NDUFAF2: variants seen among roughly 807,000 people sequenced by gnomAD.
NDUFAF2 encodes the protein NADH dehydrogenase [ubiquinone] 1 alpha subcomplex assembly factor 2.
Under a neutral mutation model 22.8 loss-of-function variants are expected in NDUFAF2, and 13 were observed. That is an observed-to-expected ratio of 0.57 (90% CI 0.37 to 0.91). NDUFAF2 has a LOEUF of 0.91. Among genes scored for constraint, NDUFAF2 ranks in the 40% least tolerant of loss-of-function variants. The pLI is 0.01. For missense variants in NDUFAF2, 162 were observed against 195.2 expected (o/e 0.83, Z 1.01); for synonymous variants, 53 against 64.2 (o/e 0.83, Z 0.84).
intron 1 of NDUFAF2, among the ~76,000 whole-genome samples, chr5:61,043,302 A>C (rs564620586): frequency 9.2e-5 from 14 of 152,308 alleles, no homozygotes; most frequent in Admixed American, 4.6e-4. Context: ...AGTGCAGTGA[A>C]AATACTCTGT....
At chr5:61,021,009 T>TTTG (rs1458632716) in intron 1 of NDUFAF2, among the ~76,000 whole-genome samples, 1 of 151,578 alleles carries the variant, frequency 6.6e-6, no homozygotes, top group African/African-American at 2.4e-5. Flanking sequence ...TTTTTTTTTT[T>TTTG]TTTGCTATTT....
chr5:60,990,009 A>C (rs329623), intron 1 of NDUFAF2, among the ~76,000 whole-genome samples: 86,705 of 152,022 alleles, frequency 0.57, 26,015 homozygotes, highest in East Asian at 0.94. Flanking sequence ...AACAACGTAG[A>C]TGGAACTAGA....
intron 1 of NDUFAF2, among the ~76,000 whole-genome samples, chr5:60,972,783 T>A (rs1245042095): frequency 6.6e-6 from 1 of 150,972 alleles, no homozygotes; most frequent in Non-Finnish European, 1.5e-5. Context: ...GTTTTTTTTT[T>A]TTTTGGTTTT....
chr5:61,133,108 A>C (rs183423682), intron 3 of NDUFAF2, among the ~76,000 whole-genome samples: 7 of 152,280 alleles, frequency 4.6e-5, no homozygotes, highest in Admixed American at 3.3e-4. Flanking sequence ...AGATGTAAGC[A>C]ACCTCTTTCC....
intron 1 of NDUFAF2, among the ~76,000 whole-genome samples, chr5:61,041,789 A>C (rs1751886082): frequency 6.6e-6 from 1 of 152,130 alleles, no homozygotes; most frequent in South Asian, 2.1e-4. Flanking sequence ...TTTCCCAGAT[A>C]TTTGTTCACC....
intron 2 of NDUFAF2, among the ~76,000 whole-genome samples, chr5:61,091,171 A>G (rs1752564518): frequency 6.6e-6 from 1 of 152,208 alleles, no homozygotes; most frequent in Non-Finnish European, 1.5e-5. Context: ...TGTTTATAAT[A>G]GAATGATTTA....
At chr5:61,002,625 TA>T (rs1222318870) in intron 1 of NDUFAF2, among the ~76,000 whole-genome samples, 1 of 152,166 alleles carries the variant, frequency 6.6e-6, no homozygotes, top group African/African-American at 2.4e-5. Flanking sequence ...ACCAGGAGAC[TA>T]AAACATTGTG....
chr5:61,095,538 G>C (rs77470754), intron 2 of NDUFAF2, among the ~76,000 whole-genome samples: 2,907 of 152,036 alleles, frequency 0.019, 43 homozygotes, highest in Non-Finnish European at 0.03. Context: ...TATGTACAGA[G>C]GTCCAACCTC....
chr5:60,989,292 C>T (rs1751125647), intron 1 of NDUFAF2, among the ~76,000 whole-genome samples: 1 of 152,106 alleles, frequency 6.6e-6, no homozygotes, highest in African/African-American at 2.4e-5. Flanking sequence ...GAAGAGGGAA[C>T]ACCTATACAC....
chr5:61,044,367 A>G (rs1751921046), intron 1 of NDUFAF2, among the ~76,000 whole-genome samples: 1 of 151,946 alleles, frequency 6.6e-6, no homozygotes, highest in Admixed American at 6.6e-5. Context: ...ATGTAATTCC[A>G]CTTGTCTATT....
chr5:60,983,029 G>A (rs1345679346), intron 1 of NDUFAF2, among the ~76,000 whole-genome samples: 3 of 151,472 alleles, frequency 2.0e-5, no homozygotes, highest in Non-Finnish European at 4.4e-5. Context: ...GTGTAAAAGT[G>A]TTCCTATTTC....
chr5:60,977,886 C>T (rs1750923873), intron 1 of NDUFAF2, among the ~76,000 whole-genome samples: 1 of 151,694 alleles, frequency 6.6e-6, no homozygotes, highest in African/African-American at 2.4e-5. Flanking sequence ...CCAGTCACCT[C>T]CTTCTGGGAA....
At chr5:61,119,303 A>G (rs1454267643) in intron 3 of NDUFAF2, among the ~76,000 whole-genome samples, 1 of 152,184 alleles carries the variant, frequency 6.6e-6, no homozygotes, top group African/African-American at 2.4e-5. Flanking sequence ...ATTTCTTTGC[A>G]TGTAGACTTC....
At chr5:61,077,503 G>A (rs923779540) in intron 2 of NDUFAF2, among the ~76,000 whole-genome samples, 5 of 152,214 alleles carry the variant, frequency 3.3e-5, no homozygotes. Context: ...AGTATAGCAA[G>A]AGAGAATTTG....
chr5:61,030,444 G>T lies in NDUFAF2; in HGVS notation c.128-42681G>T, dbSNP rs74786402. On this transcript the variant is annotated intron_variant, in intron 1 of 3. Coordinates refer to ENST00000296597, the MANE Select transcript of NDUFAF2 (RefSeq NM_174889.5). ...TCATTCTTACCATTTTAATGAAAATGGTAAGCTCTGCTGTCAACAACAGAT... is the reference window on the plus strand; with the variant it reads ...TCATTCTTACCATTTTAATGAAAATTGTAAGCTCTGCTGTCAACAACAGAT... Among the ~76,000 whole-genome samples, 1,195 of 152,044 alleles carry T rather than the reference G, an allele frequency of 7.9e-3. 15 individuals carry two copies. The highest frequency in any genetic ancestry group is 0.027 in the African/African-American group (1,119 of 41,486).
chr5:61,032,605 C>A (rs888765562), intron 1 of NDUFAF2, among the ~76,000 whole-genome samples: 1 of 152,088 alleles, frequency 6.6e-6, no homozygotes, highest in Non-Finnish European at 1.5e-5. Context: ...GGTACCAGTA[C>A]CATGATGTTT....
intron 3 of NDUFAF2, among the ~76,000 whole-genome samples, chr5:61,143,515 T>C (rs964758836): frequency 6.6e-6 from 1 of 152,170 alleles, no homozygotes; most frequent in Non-Finnish European, 1.5e-5. Flanking sequence ...TTGAAAAGTA[T>C]GTCTAGCTCC....
chr5:60,997,752 G>C (rs1378465306), intron 1 of NDUFAF2, among the ~76,000 whole-genome samples: 1 of 152,214 alleles, frequency 6.6e-6, no homozygotes, highest in Non-Finnish European at 1.5e-5. Context: ...TCACTTCACT[G>C]TGCTTGGATT....
At chr5:61,032,332 T>A (rs540924990) in intron 1 of NDUFAF2, among the ~76,000 whole-genome samples, 1 of 152,254 alleles carries the variant, frequency 6.6e-6, no homozygotes, top group East Asian at 1.9e-4. Context: ...ATTGCCTAGG[T>A]TTTCTTCTAG....
Sources: allele counts gnomAD v4.1 joint callset (sites outside exome capture counted in the v4.1 genomes callset), GRCh38; gene constraint gnomAD v4.1.1; transcripts MANE v1.5; gene names NCBI Gene and HGNC (gene_info 2026-07-23, HGNC 2026-07-21).